PSD3: variants seen among roughly 807,000 people sequenced by gnomAD.
PSD3 encodes the protein PH and SEC7 domain-containing protein 3.
PSD3 carries 49 observed loss-of-function variants against 105.5 expected under a neutral mutation model. The ratio of observed to expected loss-of-function variants is 0.46; its 90% CI spans 0.37 to 0.59. The LOEUF is 0.59. PSD3 is among the 20% of genes least tolerant of loss of function. The probability of loss-of-function intolerance (pLI) is 0.00; values close to 1 mark genes in which losing one functional copy is unlikely to be tolerated. For missense variants in PSD3, 1,561 were observed against 1,263.8 expected (o/e 1.24, Z -3.57); for synonymous variants, 557 against 457.8 (o/e 1.22, Z -2.77).
chr8:18,680,787 C>T (rs1015369178), intron 9 of PSD3, among the ~76,000 whole-genome samples: 4 of 152,072 alleles, frequency 2.6e-5, no homozygotes, highest in East Asian at 3.9e-4. Flanking sequence ...ATTCTTCAGA[C>T]GAGGTCAATA....
intron 12 of PSD3, among the ~76,000 whole-genome samples, chr8:18,592,734 C>G (rs928645446): frequency 6.6e-6 from 1 of 152,104 alleles, no homozygotes; most frequent in African/African-American, 2.4e-5. Flanking sequence ...GCCACACAAG[C>G]ATATTACATC....
intron 9 of PSD3, among the ~76,000 whole-genome samples, chr8:18,734,870 G>T (rs181713010): frequency 1.4e-4 from 22 of 152,240 alleles, no homozygotes; most frequent in African/African-American, 5.3e-4. Context: ...AGCTTCCAGA[G>T]AACAGCAATA....
chr8:18,719,607 T>C (rs1433231489), intron 9 of PSD3, among the ~76,000 whole-genome samples: 1 of 152,220 alleles, frequency 6.6e-6, no homozygotes, highest in African/African-American at 2.4e-5. Context: ...CTGAGCCCCT[T>C]GTTCAACATC....
At chr8:18,575,611 G>C (rs1802419230) in intron 12 of PSD3, among the ~76,000 whole-genome samples, 1 of 152,102 alleles carries the variant, frequency 6.6e-6, no homozygotes, top group South Asian at 2.1e-4. Flanking sequence ...ATTTTATAAT[G>C]AACAGAAATG....
chr8:18,731,925 T>C (rs1231304753), intron 9 of PSD3, among the ~76,000 whole-genome samples: 1 of 152,164 alleles, frequency 6.6e-6, no homozygotes, highest in Non-Finnish European at 1.5e-5. Context: ...TGCACAGCTA[T>C]TTGAGGAGTC....
intron 4 of PSD3, among the ~76,000 whole-genome samples, chr8:18,842,584 T>C (rs182442428): frequency 0.01 from 1,534 of 151,798 alleles, 32 homozygotes; most frequent in African/African-American, 0.035. Context: ...ATACAAAAAA[T>C]TAGCCGGGCG....
At chr8:18,631,409 A>G (rs943443111) in intron 11 of PSD3, among the ~76,000 whole-genome samples, 4 of 152,002 alleles carry the variant, frequency 2.6e-5, no homozygotes, top group African/African-American at 9.7e-5. Flanking sequence ...AGACTAAATG[A>G]GAAGTTAGGG....
chr8:18,888,004 G>A (rs377738750), intron 2 of PSD3, among the ~76,000 whole-genome samples: 42 of 152,234 alleles, frequency 2.8e-4, no homozygotes, highest in East Asian at 9.7e-4. Context: ...AAGATCACAC[G>A]GCTAACGCTG....
chr8:19,037,984 A>T (rs888183764), intron 1 of PSD3, among the ~76,000 whole-genome samples: 2 of 150,070 alleles, frequency 1.3e-5, no homozygotes, highest in Non-Finnish European at 3.0e-5. Context: ...TTAGGAGAAA[A>T]TTTATATTAT....
At chr8:18,561,072 CA>C (rs1801369052) in intron 14 of PSD3, among the ~76,000 whole-genome samples, 2 of 152,192 alleles carry the variant, frequency 1.3e-5, no homozygotes, top group African/African-American at 4.8e-5. Flanking sequence ...AATAATCTAG[CA>C]ATCCCACTTC....
At chr8:18,599,235 C>T (rs78650283) in intron 12 of PSD3, among the ~76,000 whole-genome samples, 26,747 of 152,056 alleles carry the variant, frequency 0.18, 2,743 homozygotes, top group Non-Finnish European at 0.24. Flanking sequence ...CAGAATGGAA[C>T]ACAGAGCTCA....
chr8:18,930,657 C>T (rs1821688521), intron 2 of PSD3, among the ~76,000 whole-genome samples: 1 of 151,736 alleles, frequency 6.6e-6, no homozygotes, highest in African/African-American at 2.4e-5. Context: ...GCAACCCCCA[C>T]CTCCCGGCTT....
chr8:18,713,004 C>A (rs187185717), intron 9 of PSD3, among the ~76,000 whole-genome samples: 2 of 152,252 alleles, frequency 1.3e-5, no homozygotes, highest in Admixed American at 1.3e-4. Context: ...TAATGTAATT[C>A]ATCACATACA....
chr8:18,817,434 G>A (rs1005308076), intron 4 of PSD3, among the ~76,000 whole-genome samples: 9 of 152,126 alleles, frequency 5.9e-5, no homozygotes, highest in East Asian at 1.9e-4. Flanking sequence ...ACTGTGCCCC[G>A]AGGGCTAGTC....
intron 13 of PSD3, 110 bp downstream of exon 13, chr8:18,575,018 T>A: frequency 8.4e-7 from 1 of 1,193,600 alleles, no homozygotes; most frequent in Non-Finnish European, 1.1e-6. Flanking sequence ...GTTGATGACT[T>A]TGATTCCAAC....
intron 2 of PSD3, among the ~76,000 whole-genome samples, chr8:18,900,102 C>A (rs1252490993): frequency 6.6e-6 from 1 of 152,126 alleles, no homozygotes; most frequent in Non-Finnish European, 1.5e-5. Flanking sequence ...TGCTTCTTGG[C>A]TGTCTGCTGC....
intron 11 of PSD3, among the ~76,000 whole-genome samples, chr8:18,630,970 T>A (rs1410782747): frequency 6.6e-6 from 1 of 151,930 alleles, no homozygotes; most frequent in South Asian, 2.1e-4. Flanking sequence ...TGTCCTTGGA[T>A]TTTGGTACCT....
Position 18,809,067 on chromosome 8 carries a change from A to G in PSD3, c.1635-4169T>C, listed in dbSNP as rs902011691. On this transcript the variant is annotated intron_variant, in intron 4 of 15. Transcript: ENST00000327040. ...GCCCAGCCTCGTTCACACTTGATAA[A>G]GCCAACTCAGTGATCCCTCTCGGAG... Among the ~76,000 whole-genome samples the G allele has an allele frequency of 2.6e-5, 4 of 152,162 alleles. 1 individual carries two copies. Among genetic ancestry groups the G allele is most frequent in the African/African-American group, 9.7e-5 (4 of 41,416 alleles).
intron 1 of PSD3, among the ~76,000 whole-genome samples, chr8:19,052,659 G>A (rs1043944758): frequency 6.6e-5 from 10 of 152,250 alleles, no homozygotes; most frequent in Admixed American, 2.6e-4. Context: ...TAATTCGGAA[G>A]TCCAAGTTGG....
Sources: gnomAD v4.1 joint callset for allele counts (sites outside exome capture counted in the v4.1 genomes callset) on GRCh38, gnomAD v4.1.1 for gene constraint, MANE v1.5 for transcripts, NCBI Gene and HGNC (gene_info 2026-07-23, HGNC 2026-07-21) for gene names.